ELSPBP1: variants seen among roughly 807,000 people sequenced by gnomAD.
ELSPBP1 encodes the protein epididymal sperm binding protein 1.
Under a neutral mutation model 33.3 loss-of-function variants are expected in ELSPBP1, and 38 were observed. The ratio of observed to expected loss-of-function variants is 1.14; its 90% confidence interval spans 0.88 to 1.50. The LOEUF (loss-of-function observed/expected upper bound fraction) is 1.50. ELSPBP1 is among the 40% of genes most tolerant of loss of function. The pLI is 0.00. For synonymous variants in ELSPBP1, 85 were observed against 94.1 expected (o/e 0.90, Z 0.56); for missense variants, 267 against 263.5 (o/e 1.01, Z -0.09).
chr19:48,018,688 G>A (rs570664500), intron 4 of ELSPBP1, among the ~76,000 whole-genome samples: 1 of 152,200 alleles, frequency 6.6e-6, no homozygotes, highest in Admixed American at 6.5e-5. Context: ...TTGATCCCAG[G>A]AAGTCTAACC....
chr19:48,015,445 C>G (rs1229673914), intron 3 of ELSPBP1, among the ~76,000 whole-genome samples: 1 of 152,080 alleles, frequency 6.6e-6, no homozygotes, highest in Non-Finnish European at 1.5e-5. Flanking sequence ...CACCTGAGGC[C>G]AGGAGTTCGA....
At chr19:48,019,647 T>A in intron 4 of ELSPBP1, 72 bp from the exon 5 acceptor site, 1 of 1,471,412 alleles carries the variant, frequency 6.8e-7, no homozygotes, top group South Asian at 1.3e-5. Flanking sequence ...CGTGGCACAG[T>A]TTGTGTGTCA....
intron 4 of ELSPBP1, among the ~76,000 whole-genome samples, chr19:48,016,535 C>T (rs193004989): frequency 5.7e-4 from 56 of 99,072 alleles, no homozygotes; most frequent in Admixed American, 1.4e-3. Context: ...TTTCTTCCTT[C>T]CTTCCTTCCT....
At chr19:48,021,584 C>T (rs992396891) in intron 5 of ELSPBP1, among the ~76,000 whole-genome samples, 3 of 151,936 alleles carry the variant, frequency 2.0e-5, no homozygotes, top group African/African-American at 7.3e-5. Context: ...GGATTACAGG[C>T]GCTTGGCACC....
At chr19:48,005,421 A>G (rs1014593980) in intron 1 of ELSPBP1, among the ~76,000 whole-genome samples, 1 of 150,398 alleles carries the variant, frequency 6.6e-6, no homozygotes, top group East Asian at 1.9e-4. Flanking sequence ...ACTGACTGAT[A>G]GAACACAGCA....
intron 1 of ELSPBP1, among the ~76,000 whole-genome samples, chr19:48,004,549 T>G (rs1374143740): frequency 2.6e-5 from 4 of 152,168 alleles, no homozygotes; most frequent in Non-Finnish European, 4.4e-5. Flanking sequence ...CCTGCCTGGA[T>G]GTATCCCCCA....
chr19:48,010,955 C>T (rs941267781), intron 2 of ELSPBP1, among the ~76,000 whole-genome samples: 2 of 152,130 alleles, frequency 1.3e-5, no homozygotes, highest in Admixed American at 6.6e-5. Flanking sequence ...ACACAGTATC[C>T]TATATACTCA....
intron 1 of ELSPBP1, among the ~76,000 whole-genome samples, chr19:48,006,640 A>AGG: frequency 1.4e-5 from 2 of 145,070 alleles, no homozygotes; most frequent in South Asian, 2.1e-4. Context: ...AAAAAAAAAA[A>AGG]AAAAAAAGAA....
rs908305917 is a variant in ELSPBP1, at chr19:48,014,226, T to A, written c.126T>A (p.Thr42=). The A allele has an allele frequency of 1.2e-6, 2 of 1,613,892 alleles. No individual in the cohort carries two copies. Among genetic ancestry groups the A allele is most frequent in the African/African-American group, 2.7e-5 (2 of 74,882 alleles). The change falls in exon 3 of 7, where the codon ACT becomes ACA. Residue 42 remains threonine (T), a synonymous_variant. Coordinates refer to ENST00000339841, the MANE Select transcript of ELSPBP1 (RefSeq NM_022142.5). The stretch of plus-strand genomic sequence containing the variant: ...CCTACAAGGGATCTGTTTACTTCAC[T>A]TGCACCCATATTCATAGCTTATCCC... ...PFTYKGSVYF[T]CTHIHSLSPW... is the part of the protein sequence containing the mutation.
At chr19:48,004,542 G>GC (rs1966998432) in intron 1 of ELSPBP1, among the ~76,000 whole-genome samples, 1 of 152,072 alleles carries the variant, frequency 6.6e-6, no homozygotes, top group Non-Finnish European at 1.5e-5. Flanking sequence ...GGCTTCTCCT[G>GC]CCTGGATGTA....
rs34961390 is a variant in ELSPBP1, at chr19:48,003,539, C to CTTTTTTTTTTT, written c.-17-5105_-17-5095dup. ...TGAATGAATAAATGCCACCCCTGCTCTTTTTTTTTTTTTTTTTGATGGAGT... is the reference window on the plus strand; with the variant it reads ...TGAATGAATAAATGCCACCCCTGCTCTTTTTTTTTTTTTTTTTTTTTTTTTTTTGATGGAGT... On this transcript the variant is annotated intron_variant, in intron 1 of 6. Transcript: ENST00000339841. Among the ~76,000 whole-genome samples, 2 of 138,890 alleles carry CTTTTTTTTTTT rather than the reference C, an allele frequency of 1.4e-5. 1 individual carries two copies. 91.1% of individuals were successfully genotyped at this position (138,890 alleles called of 152,430 possible). A position where few individuals can be genotyped will look rare whatever the true frequency, so the allele number is the denominator to read the frequency against.
At chr19:47,999,421 C>A (rs142575660) in intron 1 of ELSPBP1, among the ~76,000 whole-genome samples, 1,957 of 146,862 alleles carry the variant, frequency 0.013, 46 homozygotes, top group African/African-American at 0.047. Flanking sequence ...AAGAGTCTCG[C>A]TCTGCCACCC....
At chr19:48,000,371 G>A (rs942308608) in intron 1 of ELSPBP1, among the ~76,000 whole-genome samples, 1 of 152,002 alleles carries the variant, frequency 6.6e-6, no homozygotes, top group African/African-American at 2.4e-5. Flanking sequence ...CTCCTGAGTA[G>A]CTGGGATTAC....
At chr19:48,003,344 G>GA (rs34244066) in intron 1 of ELSPBP1, among the ~76,000 whole-genome samples, 83,033 of 151,812 alleles carry the variant, frequency 0.55, 23,141 homozygotes, top group Admixed American at 0.61. Flanking sequence ...AATAGCTGGG[G>GA]TCAAGGGATC....
rs148286229 is a variant in ELSPBP1, at chr19:48,000,827, A to G, written c.-18+6016A>G. Among the ~76,000 whole-genome samples, 206 of 152,340 alleles carry G rather than the reference A, an allele frequency of 1.4e-3. 2 individuals carry two copies. Among genetic ancestry groups the G allele is most frequent in the African/African-American group, 4.6e-3 (191 of 41,576 alleles). ...AAATGGGACAGAGATAATGAAAATG[A>G]TAACGATTAATATTTACAAAGCACG... On this transcript the variant is annotated intron_variant, in intron 1 of 6. Coordinates refer to ENST00000339841, the MANE Select transcript of ELSPBP1 (RefSeq NM_022142.5).
intron 1 of ELSPBP1, among the ~76,000 whole-genome samples, chr19:48,008,227 T>C (rs1439613601): frequency 6.6e-6 from 1 of 151,574 alleles, no homozygotes; most frequent in Non-Finnish European, 1.5e-5. Flanking sequence ...GTGTGTGGTA[T>C]ATGTGTGTGT....
chr19:48,003,622 C>T (rs188581359), intron 1 of ELSPBP1, among the ~76,000 whole-genome samples: 210 of 149,564 alleles, frequency 1.4e-3, no homozygotes, highest in Admixed American at 2.5e-3. Context: ...CTGCAACCTC[C>T]GCCTCCTGGG....
chr19:48,006,351 C>T (rs1030727602), intron 1 of ELSPBP1, among the ~76,000 whole-genome samples: 6 of 152,168 alleles, frequency 3.9e-5, no homozygotes, highest in South Asian at 2.1e-4. Flanking sequence ...CAGTGGCTCA[C>T]GCCTGTAACA....
chr19:48,012,646 G>A (rs991780217), intron 2 of ELSPBP1, among the ~76,000 whole-genome samples: 2 of 151,772 alleles, frequency 1.3e-5, no homozygotes, highest in African/African-American at 4.8e-5. Context: ...ATTATTCTAG[G>A]TTCTGTAGAT....
Sources: allele counts gnomAD v4.1 joint callset (sites outside exome capture counted in the v4.1 genomes callset), GRCh38; gene constraint gnomAD v4.1.1; transcripts MANE v1.5; gene names NCBI Gene and HGNC (gene_info 2026-07-23, HGNC 2026-07-21).